CNTN4: variants seen among roughly 807,000 people sequenced by gnomAD.
The protein encoded by CNTN4 is contactin-4.
Under a neutral mutation model 122.5 loss-of-function variants are expected in CNTN4, and 77 were observed. The ratio of observed to expected loss-of-function variants is 0.63; its 90% CI spans 0.52 to 0.76. CNTN4 has a LOEUF of 0.76. Among genes scored for constraint, CNTN4 ranks in the 30% least tolerant of loss-of-function variants. The pLI, the probability that CNTN4 is intolerant of heterozygous loss-of-function variation, is 0.00. For synonymous variants in CNTN4, 512 were observed against 447.0 expected (o/e 1.15, Z -1.83); for missense variants, 1,256 against 1,259.1 (o/e 1.00, Z 0.04).
At chr3:2,840,592 G>A (rs964520190) in intron 7 of CNTN4, among the ~76,000 whole-genome samples, 1 of 94,132 alleles carries the variant, frequency 1.1e-5, no homozygotes, top group Admixed American at 1.3e-4. Flanking sequence ...CCAGCTACTC[G>A]GGAGGCTGAG....
intron 2 of CNTN4, among the ~76,000 whole-genome samples, chr3:2,277,840 A>G (rs918205377): frequency 1.4e-4 from 21 of 152,110 alleles, no homozygotes; most frequent in African/African-American, 4.8e-4. Context: ...GCACAATGCT[A>G]TTTATTGAAT....
At chr3:2,508,582 C>G (rs1048327252) in intron 3 of CNTN4, among the ~76,000 whole-genome samples, 1 of 152,120 alleles carries the variant, frequency 6.6e-6, no homozygotes, top group African/African-American at 2.4e-5. Flanking sequence ...AGCCCCATCC[C>G]CCAGGTTCTT....
At chr3:2,169,417 T>C (rs1420056516) in intron 2 of CNTN4, among the ~76,000 whole-genome samples, 1 of 152,006 alleles carries the variant, frequency 6.6e-6, no homozygotes, top group Non-Finnish European at 1.5e-5. Flanking sequence ...AATAAACTTT[T>C]TTTTTTTGAG....
At chr3:2,737,924 T>C (rs4685544) in intron 5 of CNTN4, among the ~76,000 whole-genome samples, 35 of 151,778 alleles carry the variant, frequency 2.3e-4, no homozygotes, top group African/African-American at 8.0e-4. Flanking sequence ...GCAGATGAAA[T>C]ACAACCGAAA....
chr3:2,745,539 C>G lies in CNTN4; in HGVS notation c.200C>G (p.Thr67Arg). The G allele has an allele frequency of 6.2e-7, 1 of 1,613,928 alleles. No homozygotes were observed. Among genetic ancestry groups the G allele is most frequent in the East Asian group, 2.2e-5 (1 of 44,862 alleles). Residue 67 changes from threonine to arginine, a missense_variant, in exon 6 of 25, where the codon ACA becomes AGA. Coordinates refer to ENST00000418658, the MANE Select transcript of CNTN4 (RefSeq NM_175607.3). ...TACTATAGGTGGAAGTTAAATGGAA[C>G]AGATGTTGACACTGGTATGGATTTC... is the stretch of plus-strand genomic sequence containing the variant. The part of the protein sequence containing the change: ...KPHIRWKLNG[T>R]DVDTGMDFRY...
chr3:2,863,919 A>G (rs532231275), intron 7 of CNTN4, among the ~76,000 whole-genome samples: 1 of 152,286 alleles, frequency 6.6e-6, no homozygotes, highest in East Asian at 1.9e-4. Context: ...ATCATCAAAG[A>G]CCACTGTTTA....
chr3:2,239,281 G>A (rs935676330), intron 2 of CNTN4, among the ~76,000 whole-genome samples: 2 of 152,090 alleles, frequency 1.3e-5, no homozygotes, highest in African/African-American at 2.4e-5. Context: ...TTATGCGGAC[G>A]ATCCTTGGAC....
At chr3:2,396,909 G>A (rs562591693) in intron 3 of CNTN4, among the ~76,000 whole-genome samples, 11 of 152,104 alleles carry the variant, frequency 7.2e-5, no homozygotes, top group African/African-American at 1.9e-4. Flanking sequence ...TGTGTTATGG[G>A]GTTTAGGATA....
Position 2,820,720 on chromosome 3 carries a change from A to G in CNTN4, c.454+1139A>G, listed in dbSNP as rs140684438. 5.6e-3 allele frequency among the ~76,000 whole-genome samples: 846 copies of G among 152,224 alleles called. 4 individuals carry two copies. Among genetic ancestry groups the G allele is most frequent in the African/African-American group, 0.019 (805 of 41,538 alleles). ...AATAACAAAAGACATTCTTCTCAGC[A>G]ATATCACTCAGGAAATTACAAGGGT... On this transcript the variant is annotated intron_variant, in intron 7 of 24. Transcript: ENST00000418658.
At chr3:2,674,101 A>G (rs2084695309) in intron 4 of CNTN4, among the ~76,000 whole-genome samples, 1 of 152,242 alleles carries the variant, frequency 6.6e-6, no homozygotes, top group Non-Finnish European at 1.5e-5. Context: ...ATGAGAAATA[A>G]TAAATCATTA....
At chr3:2,901,521 C>G (rs987912965) in intron 11 of CNTN4, among the ~76,000 whole-genome samples, 2 of 152,158 alleles carry the variant, frequency 1.3e-5, no homozygotes, top group Non-Finnish European at 2.9e-5. Context: ...AGGGCTCCAG[C>G]TTGTCCATGA....
chr3:2,130,366 C>G (rs879427123), intron 2 of CNTN4, among the ~76,000 whole-genome samples: 2 of 152,166 alleles, frequency 1.3e-5, no homozygotes, highest in African/African-American at 2.4e-5. Context: ...TTTGTTTTAT[C>G]TGATTCACTA....
Position 2,736,781 on chromosome 3 carries a change from T to TATTC in CNTN4, c.182+443_182+444insCATT, listed in dbSNP as rs1415705344. Among the ~76,000 whole-genome samples the TATTC allele has an allele frequency of 6.8e-3, 980 of 143,646 alleles. 12 individuals are homozygous for TATTC. Among genetic ancestry groups the TATTC allele is most frequent in the African/African-American group, 0.024 (922 of 38,574 alleles). The allele number at this position is 143,646 out of a possible 152,430, so 94.2% of individuals were successfully genotyped here. Reference sequence around the variant, plus strand: ...CCCGGACCAAGAGCTTTTATTTATTTATTTATTTATTTATTTATTTATTTA... The same window carrying TATTC: ...CCCGGACCAAGAGCTTTTATTTATTTATTCATTTATTTATTTATTTATTTATTTA... On this transcript the variant is annotated intron_variant, in intron 5 of 24. Transcript: ENST00000418658.
intron 3 of CNTN4, among the ~76,000 whole-genome samples, chr3:2,453,643 T>TA (rs2151380822): frequency 6.6e-6 from 1 of 152,234 alleles, no homozygotes; most frequent in African/African-American, 2.4e-5. Flanking sequence ...TATGTGCTGT[T>TA]AAGAAAATAA....
chr3:2,535,792 G>A lies in CNTN4; in HGVS notation c.-88-35624G>A, dbSNP rs144755731. 2.0e-3 allele frequency among the ~76,000 whole-genome samples: 297 copies of A among 151,928 alleles called. 1 individual carries two copies. Among genetic ancestry groups the A allele is most frequent in the African/African-American group, 6.7e-3 (277 of 41,474 alleles). The stretch of plus-strand genomic sequence containing the variant: ...GAAGAGAAAACCTTTTTTTGTCCAT[G>A]CATGTTTAAGAGACCCCCTCAAAAT... On this transcript the variant is annotated intron_variant, in intron 3 of 24. Coordinates refer to ENST00000418658, the MANE Select transcript of CNTN4 (RefSeq NM_175607.3).
intron 2 of CNTN4, among the ~76,000 whole-genome samples, chr3:2,165,142 G>C (rs1448926572): frequency 6.6e-6 from 1 of 152,020 alleles, no homozygotes; most frequent in Admixed American, 6.6e-5. Flanking sequence ...GGCCAACATG[G>C]TGAAACCCCA....
intron 2 of CNTN4, among the ~76,000 whole-genome samples, chr3:2,244,485 T>G (rs1374067823): frequency 2.0e-5 from 3 of 152,110 alleles, no homozygotes; most frequent in Non-Finnish European, 4.4e-5. Flanking sequence ...AACATTAGGT[T>G]TCAGAAGATA....
At chr3:2,863,022 C>G (rs1263936845) in intron 7 of CNTN4, among the ~76,000 whole-genome samples, 2 of 152,102 alleles carry the variant, frequency 1.3e-5, no homozygotes, top group African/African-American at 4.8e-5. Context: ...CCAGCCTAAC[C>G]CTTTCTAGAC....
At chr3:2,904,987 TCTAGAGTGCCTACCC>T (rs2094213496) in intron 12 of CNTN4, among the ~76,000 whole-genome samples, 1 of 152,140 alleles carries the variant, frequency 6.6e-6, no homozygotes, top group Admixed American at 6.5e-5. Context: ...ATGATTTATA[TCTAGAGTGCCTACCC>T]ATAGCTGAAA....
Sources: gnomAD v4.1 joint callset for allele counts (sites outside exome capture counted in the v4.1 genomes callset) on GRCh38, gnomAD v4.1.1 for gene constraint, MANE v1.5 for transcripts, NCBI Gene and HGNC (gene_info 2026-07-23, HGNC 2026-07-21) for gene names.